ADD1: variants seen among roughly 807,000 people sequenced by gnomAD.
ADD1 encodes adducin 1, also known as alpha-adducin.
A neutral mutation model predicts 80.5 loss-of-function variants in ADD1; 24 were observed. The observed-to-expected ratio is 0.30, with a 90% CI of 0.22 to 0.42. The LOEUF (loss-of-function observed/expected upper bound fraction) is 0.42, where lower values mean the gene tolerates loss of function less well. ADD1 is among the 10% of genes least tolerant of loss of function. The pLI is 1.00. For missense variants in ADD1, 948 were observed against 1,019.0 expected (o/e 0.93, Z 0.95); for synonymous variants, 373 against 393.8 (o/e 0.95, Z 0.63).
intron 1 of ADD1, among the ~76,000 whole-genome samples, chr4:2,860,051 G>T (rs1728632127): frequency 1.3e-5 from 2 of 151,514 alleles, no homozygotes; most frequent in South Asian, 4.2e-4. Flanking sequence ...TTTCTATACT[G>T]ATGTGTCTGG....
intron 1 of ADD1, among the ~76,000 whole-genome samples, chr4:2,859,588 C>T (rs1013801028): frequency 1.1e-4 from 16 of 152,158 alleles, no homozygotes; most frequent in Non-Finnish European, 1.2e-4. Context: ...CCTTGGCAAC[C>T]GTGAGACCCT....
Position 2,926,034 on chromosome 4 carries a change from GAAC to G in ADD1, c.1971_1973del (p.Gln658del). 5 of 1,614,100 alleles carry G rather than the reference GAAC, an allele frequency of 3.1e-6. No individual in the cohort carries two copies. The highest frequency in any genetic ancestry group is 4.2e-6 in the Non-Finnish European group (5 of 1,179,996). ...TGCAGAGAATCTGGACGAGGCTAGA[GAAC>G]AGAAAGAAAAGAGTCCTCCAGACCA... is the stretch of plus-strand genomic sequence containing the variant. On this transcript the variant is annotated inframe_deletion, in exon 15 of 16. Coordinates refer to ENST00000683351, the MANE Select transcript of ADD1 (RefSeq NM_001354761.2). This position sits in a 1 kb window ranked among gnomAD's most constrained non-coding sequence, Gnocchi z 5.0.
intron 1 of ADD1, among the ~76,000 whole-genome samples, chr4:2,852,181 T>C (rs1307956751): frequency 5.4e-4 from 30 of 55,916 alleles, no homozygotes; most frequent in South Asian, 3.8e-3. Flanking sequence ...TTTCTTTCTT[T>C]CTTTCTTTCT....
intron 1 of ADD1, among the ~76,000 whole-genome samples, chr4:2,853,930 C>T (rs1450497582): frequency 6.6e-6 from 1 of 152,068 alleles, no homozygotes; most frequent in Non-Finnish European, 1.5e-5. Context: ...TGCATTGCAC[C>T]CGGAGAAATG....
At chr4:2,903,116 G>A (rs1736461156) in intron 9 of ADD1, among the ~76,000 whole-genome samples, 1 of 152,166 alleles carries the variant, frequency 6.6e-6, no homozygotes, top group Non-Finnish European at 1.5e-5. Context: ...AGTACCCAGA[G>A]GGGAGAGAGA....
At chr4:2,888,322 G>A (rs566445606) in intron 4 of ADD1, among the ~76,000 whole-genome samples, 4 of 151,850 alleles carry the variant, frequency 2.6e-5, no homozygotes, top group Non-Finnish European at 5.9e-5. Context: ...CAAGCGATCC[G>A]CCTGCCTCGG....
chr4:2,896,192 A>G (rs1735193765), intron 6 of ADD1, among the ~76,000 whole-genome samples: 1 of 146,102 alleles, frequency 6.8e-6, no homozygotes, highest in South Asian at 2.2e-4. Context: ...CGGCCCAGTA[A>G]TGCTGTATTT....
intron 1 of ADD1, among the ~76,000 whole-genome samples, chr4:2,856,660 C>G (rs1348739628): frequency 7.2e-6 from 1 of 139,114 alleles, no homozygotes; most frequent in African/African-American, 2.7e-5. Flanking sequence ...GGCATGAACT[C>G]TGCTCACTGC....
chr4:2,899,093 C>T (rs1355698423), intron 8 of ADD1, 166 bp from the exon 9 acceptor site: 7 of 727,404 alleles, frequency 9.6e-6, no homozygotes, highest in Non-Finnish European at 1.5e-5. Flanking sequence ...TAAAGAAATA[C>T]TTCTGAAAGT....
Position 2,898,446 on chromosome 4 carries a change from G to A in ADD1, c.899G>A (p.Arg300Gln), listed in dbSNP as rs202124018. The A allele has an allele frequency of 1.4e-5, 23 of 1,614,036 alleles. No individual in the cohort carries two copies. Among genetic ancestry groups the A allele is most frequent in the Middle Eastern group, 1.6e-4 (1 of 6,084 alleles). Residue 300 changes from arginine (R) to glutamine (Q), a missense_variant, in exon 8 of 16, where the codon CGG (arginine) becomes CAG (glutamine). By Grantham distance (43) the Arg-to-Gln change is conservative. Coordinates refer to ENST00000683351, the MANE Select transcript of ADD1 (RefSeq NM_001354761.2). ...LGPKSKVLIL[R>Q]NHGLVSVGES... ...GCTTCCCCTCAGGTTCTTATTCTCC[G>A]GAACCATGGGCTCGTGTCAGTTGGA... is the stretch of plus-strand genomic sequence containing the variant.
In ADD1 at chr4:2,883,961, G is replaced by A. The variant is rs377084253; in HGVS notation, c.359-554G>A. 5.3e-5 allele frequency among the ~76,000 whole-genome samples: 8 copies of A among 152,152 alleles called. No homozygotes were observed. In the South Asian group the frequency reaches 8.3e-4, roughly 16 times the overall value. On this transcript the variant is annotated intron_variant, in intron 3 of 15. Coordinates refer to ENST00000683351, the MANE Select transcript of ADD1 (RefSeq NM_001354761.2). The stretch of plus-strand genomic sequence containing the variant: ...GCTGGGATTACAGGCGTGAGCCACC[G>A]CGCCCAGCCCATATTGGTTGTTTCT...
chr4:2,929,825 C>T lies in ADD1; in HGVS notation c.*1302C>T, dbSNP rs188245985. The T allele has an allele frequency of 2.6e-5, 4 of 152,728 alleles. 1 individual carries two copies. Among genetic ancestry groups the T allele is most frequent in the East Asian group, 3.9e-4 (2 of 5,192 alleles). 9.5% of individuals were successfully genotyped at this position (152,728 alleles called of 1,614,324 possible). On this transcript the variant is annotated 3_prime_UTR_variant, in exon 16 of 16. Transcript: ENST00000683351. ...CTACGCGGGCAAGCGTGCTGCCTCT[C>T]TTCTGTGTCGTTTTGTTGCCAAGGC...
At chr4:2,894,843 G>T in intron 6 of ADD1, 112 bp downstream of exon 6, 1 of 1,197,380 alleles carries the variant, frequency 8.4e-7, no homozygotes, top group Non-Finnish European at 1.1e-6. Context: ...TAATTTTGTT[G>T]AATATAAAAA....
intron 15 of ADD1, among the ~76,000 whole-genome samples, chr4:2,927,366 C>T (rs1303329925): frequency 3.9e-5 from 6 of 152,214 alleles, no homozygotes; most frequent in Non-Finnish European, 8.8e-5. Context: ...AGTTTGGGGC[C>T]TGGGCCTCCT....
intron 1 of ADD1, among the ~76,000 whole-genome samples, chr4:2,847,144 A>G (rs1211108269): frequency 1.3e-5 from 2 of 151,142 alleles, no homozygotes; most frequent in Non-Finnish European, 3.0e-5. Flanking sequence ...AAAACAAAAA[A>G]CAAGCTAGGT....
chr4:2,913,859 CAT>C (rs1738493126), intron 13 of ADD1, among the ~76,000 whole-genome samples: 1 of 152,064 alleles, frequency 6.6e-6, no homozygotes, highest in Non-Finnish European at 1.5e-5. Context: ...AGCTGTCAGT[CAT>C]GTGCATGTGT....
At position 2,884,386 on chromosome 4, in the gene ADD1, C is replaced by G. The variant is rs540043958; in HGVS notation, c.359-129C>G. The G allele has an allele frequency of 3.5e-5, 20 of 574,960 alleles. No individual in the cohort carries two copies. In the South Asian group the frequency reaches 9.4e-4, roughly 27 times the overall value. 35.6% of individuals were successfully genotyped at this position (574,960 alleles called of 1,614,324 possible). On this transcript the variant is annotated intron_variant, in intron 3 of 15. Transcript: ENST00000683351. ...GCTTTGTTGCCTTGGCTATTCACAGCTGCTATCATAAGCACTACAGCCTCA... is the reference window on the plus strand; with the variant it reads ...GCTTTGTTGCCTTGGCTATTCACAGGTGCTATCATAAGCACTACAGCCTCA...
At chr4:2,895,910 C>T (rs1364492829) in intron 6 of ADD1, among the ~76,000 whole-genome samples, 11 of 146,654 alleles carry the variant, frequency 7.5e-5, no homozygotes, top group East Asian at 2.0e-4. Context: ...TTTTTTGAGA[C>T]GGAGTCTCGC....
chr4:2,875,779 C>A, intron 1 of ADD1, 117 bp from the exon 2 acceptor site: 2 of 828,496 alleles, frequency 2.4e-6, no homozygotes, highest in Non-Finnish European at 3.6e-6. Flanking sequence ...TTTCCACTGT[C>A]AGTTGGTCAT....
Sources: allele counts gnomAD v4.1 joint callset (sites outside exome capture counted in the v4.1 genomes callset), GRCh38; gene constraint gnomAD v4.1.1; non-coding constraint Gnocchi (gnomAD v3.1); transcripts MANE v1.5; gene names NCBI Gene and HGNC (gene_info 2026-07-23, HGNC 2026-07-21).